The following TTC34 variants were observed in gnomAD, a reference collection of about 807,000 sequenced individuals.
TTC34 encodes the protein tetratricopeptide repeat protein 34.
In TTC34, 44 loss-of-function variants were observed where a neutral mutation model predicts 40.7. The observed-to-expected ratio is 1.08, with a 90% confidence interval of 0.85 to 1.39. TTC34 has a LOEUF of 1.39. Ranked by LOEUF, TTC34 falls within the 40% of genes most tolerant of loss-of-function variation. TTC34 has a pLI of 0.00. For synonymous variants in TTC34, 422 were observed against 398.6 expected (o/e 1.06, Z -0.70); for missense variants, 884 against 838.0 (o/e 1.05, Z -0.68).
chr1:2,753,592 T>A (rs1377365897), intron 6 of TTC34, among the ~76,000 whole-genome samples: 1 of 94,806 alleles, frequency 1.1e-5, no homozygotes, highest in Non-Finnish European at 1.9e-5. Context: ...GGTGAGCATC[T>A]GACATCGTGG....
chr1:2,750,999 A>G (rs1641301044), intron 6 of TTC34, among the ~76,000 whole-genome samples: 1 of 77,030 alleles, frequency 1.3e-5, no homozygotes, highest in Non-Finnish European at 2.4e-5. Context: ...CTGGAGCAGC[A>G]CCCACACCGA....
At chr1:2,686,520 AC>A (rs1640356717) in intron 6 of TTC34, among the ~76,000 whole-genome samples, 1 of 123,184 alleles carries the variant, frequency 8.1e-6, no homozygotes, top group African/African-American at 3.8e-5. Context: ...AGCACCCTGC[AC>A]CCCCAGGGGA....
chr1:2,644,596 G>C (rs1638982131), intron 7 of TTC34, 118 bp from the exon 8 acceptor site: 2 of 1,065,134 alleles, frequency 1.9e-6, no homozygotes, highest in South Asian at 3.2e-5. Flanking sequence ...GCTGATGATG[G>C]CTCAGCCCAG....
At chr1:2,688,559 C>T (rs1293759534) in intron 6 of TTC34, among the ~76,000 whole-genome samples, 6 of 142,292 alleles carry the variant, frequency 4.2e-5, no homozygotes, top group Non-Finnish European at 6.0e-5. Context: ...ACCCACGGAG[C>T]AGCACCCACA....
intron 6 of TTC34, among the ~76,000 whole-genome samples, chr1:2,778,132 C>G (rs1474859528): frequency 6.6e-6 from 1 of 152,234 alleles, no homozygotes; most frequent in Non-Finnish European, 1.5e-5. Flanking sequence ...GTCCAGCAGC[C>G]TGCCCTGCAG....
At chr1:2,698,963 C>A (rs556484156) in intron 6 of TTC34, among the ~76,000 whole-genome samples, 6 of 141,448 alleles carry the variant, frequency 4.2e-5, no homozygotes, top group African/African-American at 1.3e-4. Context: ...TGGAACATCA[C>A]CCTGCCCCCC....
At chr1:2,685,483 A>G (rs542077281) in intron 6 of TTC34, among the ~76,000 whole-genome samples, 38 of 133,178 alleles carry the variant, frequency 2.9e-4, no homozygotes, top group African/African-American at 1.2e-3. Flanking sequence ...CCACACCCCC[A>G]GGTGAGCATC....
At chr1:2,790,080 G>C in exon 3 of TTC34, 1 of 397,990 alleles carries the variant, frequency 2.5e-6, no homozygotes, top group Non-Finnish European at 4.4e-6. Context: ...ACCGGGGCCA[G>C]CAGCTCGCGG....
intron 3 of TTC34, 75 bp from the exon 4 acceptor site, chr1:2,787,781 G>A (rs1162038812): frequency 1.6e-6 from 2 of 1,267,552 alleles, no homozygotes; most frequent in Non-Finnish European, 2.2e-6. Context: ...TGGGCAGTGG[G>A]GAAATCCCGT....
rs181437463 is a variant in TTC34, at chr1:2,779,988, C to T, written c.2226+3621G>A. On this transcript the variant is annotated intron_variant, in intron 6 of 8. Coordinates refer to ENST00000401095, the Ensembl canonical transcript of TTC34. ...AATTAGCCAGGCGTGGGGTCGCCCACCTGTAATCCCAGCTACTCGGGAGGC... is the reference window on the plus strand; with the variant it reads ...AATTAGCCAGGCGTGGGGTCGCCCATCTGTAATCCCAGCTACTCGGGAGGC... Among the ~76,000 whole-genome samples, 3 of 152,306 alleles carry T rather than the reference C, an allele frequency of 2.0e-5. No individual in the cohort carries two copies. In the East Asian group the frequency reaches 5.8e-4, roughly 29 times the overall value.
At position 2,760,442 on chromosome 1, in the gene TTC34, C is replaced by A. The variant is rs1395935667; in HGVS notation, c.2226+23167G>T. On this transcript the variant is annotated intron_variant, in intron 6 of 8. Transcript: ENST00000401095. ...ATCTGACAGCCTGGAGCAGCATCCA[C>A]ACACCCAGGCGAGAATCTGACAGCC... 3.6e-5 allele frequency among the ~76,000 whole-genome samples: 2 copies of A among 56,176 alleles called. 1 individual carries two copies. The highest frequency in any genetic ancestry group is 5.6e-5 in the Non-Finnish European group (2 of 35,484). The allele number at this position is 56,176 out of a possible 152,430, so 36.9% of individuals were successfully genotyped here. A position where few individuals can be genotyped will look rare whatever the true frequency, so the allele number is the denominator to read the frequency against.
At chr1:2,798,754 C>T (rs1472940335) in intron 2 of TTC34, among the ~76,000 whole-genome samples, 1 of 132,932 alleles carries the variant, frequency 7.5e-6, no homozygotes, top group Non-Finnish European at 1.6e-5. Context: ...TCCCAGCCTC[C>T]CAGCCTCTCA....
At chr1:2,753,089 C>T (rs1455638909) in intron 6 of TTC34, among the ~76,000 whole-genome samples, 1 of 134,946 alleles carries the variant, frequency 7.4e-6, no homozygotes, top group African/African-American at 2.9e-5. Flanking sequence ...GGAACGGCAA[C>T]CACACCCCCA....
exon 9 of TTC34, chr1:2,639,698 G>C (rs115884558): frequency 6.6e-6 from 1 of 152,362 alleles, no homozygotes; most frequent in Non-Finnish European, 1.5e-5. Context: ...CCCCGGAAGA[G>C]GGGGACTGCG....
At chr1:2,692,297 AGG>A (rs1640656563) in intron 6 of TTC34, among the ~76,000 whole-genome samples, 1 of 69,376 alleles carries the variant, frequency 1.4e-5, no homozygotes, top group African/African-American at 4.8e-5. Flanking sequence ...CTGGAGCAGC[AGG>A]CACACCCCCA....
rs1440353219 is a variant in TTC34, at chr1:2,683,660, G to A, written c.2227-38097C>T. Reference sequence around the variant, plus strand: ...CCAGGTGAGCATCTGACAGCCTGGAGCAGCACGCTGCACCCCCAGGTGACG... The same window carrying A: ...CCAGGTGAGCATCTGACAGCCTGGAACAGCACGCTGCACCCCCAGGTGACG... On this transcript the variant is annotated intron_variant, in intron 6 of 8. Coordinates refer to ENST00000401095, the Ensembl canonical transcript of TTC34. Among the ~76,000 whole-genome samples the A allele has an allele frequency of 1.4e-4, 17 of 124,634 alleles. 1 individual carries two copies. The highest frequency in any genetic ancestry group is 6.0e-3 in the Middle Eastern group (1 of 168). 81.8% of individuals were successfully genotyped at this position (124,634 alleles called of 152,430 possible).
chr1:2,783,636 C>G (rs1203906105), exon 6 of TTC34: 3 of 1,458,882 alleles, frequency 2.1e-6, no homozygotes, highest in Non-Finnish European at 2.7e-6. Flanking sequence ...CCAGGTGCAC[C>G]AACGCCCGTC....
intron 6 of TTC34, among the ~76,000 whole-genome samples, chr1:2,647,363 G>A (rs979809430): frequency 1.3e-5 from 2 of 152,010 alleles, no homozygotes; most frequent in East Asian, 1.9e-4. Flanking sequence ...AGTGGCTCAC[G>A]CCTGTAATCC....
At chr1:2,652,768 C>A (rs1208462247) in intron 6 of TTC34, among the ~76,000 whole-genome samples, 2 of 152,302 alleles carry the variant, frequency 1.3e-5, no homozygotes, top group South Asian at 2.1e-4. Flanking sequence ...ACCCTGCACC[C>A]CCAGGTGAGC....
Sources: allele counts gnomAD v4.1 joint callset (sites outside exome capture counted in the v4.1 genomes callset), GRCh38; gene constraint gnomAD v4.1.1; transcripts MANE v1.5; gene names NCBI Gene and HGNC (gene_info 2026-07-23, HGNC 2026-07-21).